The following MYH3 variants were observed in gnomAD, a reference collection of about 807,000 sequenced individuals.
MYH3 encodes myosin heavy chain 3.
Under a neutral mutation model 238.0 loss-of-function variants are expected in MYH3, and 130 were observed. That is an observed-to-expected ratio of 0.55 (90% CI 0.47 to 0.63). MYH3 has a LOEUF of 0.63. MYH3 is among the 30% of genes least tolerant of loss of function. MYH3 has a pLI of 0.00. For missense variants in MYH3, 1,853 were observed against 2,374.9 expected (o/e 0.78, Z 4.57); for synonymous variants, 880 against 924.1 (o/e 0.95, Z 0.86).
the MYH3 span, chr17:10,673,372 T>C: frequency 1.3e-5 from 2 of 152,266 alleles, no homozygotes; most frequent in Non-Finnish European, 2.9e-5. Context: ...AATCAGTGAA[T>C]GACTGTCTTG....
intron 6 of MYH3, among the ~76,000 whole-genome samples, chr17:10,650,137 A>G (rs1413801808): frequency 6.6e-6 from 1 of 151,814 alleles, no homozygotes; most frequent in Non-Finnish European, 1.5e-5. Flanking sequence ...ACACCCAGCT[A>G]ATTTTTTTGT....
chr17:10,678,345 A>G, the MYH3 span: 1 of 152,306 alleles, frequency 6.6e-6, no homozygotes, highest in Admixed American at 6.5e-5. Context: ...AACATCTGGA[A>G]GACGTCACCT....
At chr17:10,643,029 T>C in intron 14 of MYH3, 33 bp from the exon 15 acceptor site, 4 of 1,614,112 alleles carry the variant, frequency 2.5e-6, no homozygotes, top group Non-Finnish European at 3.4e-6. Context: ...ATGTGAAAAG[T>C]TAGACTTCTT....
At chr17:10,629,565 G>A (rs190434808) in intron 40 of MYH3, 32 bp downstream of exon 40, 146 of 1,591,580 alleles carry the variant, frequency 9.2e-5, no homozygotes, top group Non-Finnish European at 1.2e-4. Flanking sequence ...TACAGTCCCT[G>A]GGGGGGGGCT....
chr17:10,633,644 T>G lies in MYH3; in HGVS notation c.4594A>C (p.Lys1532Gln). 2.5e-6 allele frequency: 4 copies of G among 1,613,986 alleles called. No homozygotes were observed. The highest frequency in any genetic ancestry group is 3.4e-6 in the Non-Finnish European group (4 of 1,179,954). ...KTIHELEKSR[K>Q]QIELEKADIQ... ...TCAGCCTTTTCCAGCTCAATCTGCT[T>G]TCTTGATTTCTCCAGTTCATGGATG... The change falls in exon 33 of 41, where the codon AAG becomes CAG. Residue 1532 changes from lysine (K) to glutamine (Q), a missense_variant. Transcript: ENST00000583535.
Position 10,652,449 on chromosome 17 carries a change from T to C in MYH3, c.319A>G (p.Lys107Glu). Residue 107 changes from lysine to glutamate, a missense_variant, in exon 4 of 41, where the codon AAG becomes GAG. Coordinates refer to ENST00000583535, the MANE Select transcript of MYH3 (RefSeq NM_002470.4). ...LNEPAVLYNL[K>E]DRYTSWMIYT... ...ATCATCCAAGATGTGTAACGGTCCT[T>C]CAGGTTGTACAGCACGGCTGGCTCA... The C allele has an allele frequency of 6.2e-7, 1 of 1,614,008 alleles. No homozygotes were observed. Among genetic ancestry groups the C allele is most frequent in the Non-Finnish European group, 8.5e-7 (1 of 1,180,016 alleles).
At chr17:10,666,983 TAC>T in the MYH3 span, among the ~76,000 whole-genome samples, 1 of 152,182 alleles carries the variant, frequency 6.6e-6, no homozygotes, top group Non-Finnish European at 1.5e-5. Flanking sequence ...GAAAAATGCT[TAC>T]CTTTCCCTAT....
rs374549333 is a variant in MYH3, at chr17:10,645,908, C to G, written c.1002+21G>C. On this transcript the variant is annotated intron_variant, in intron 11 of 40. Transcript: ENST00000583535. ...CAGTGATGGAGGAGGAACACCCACC[C>G]CTTCTGTTGGTTCCACTTACGTCTG... 4 of 1,613,748 alleles carry G rather than the reference C, an allele frequency of 2.5e-6. No homozygotes were observed. In the East Asian group the frequency reaches 8.9e-5, roughly 36 times the overall value.
upstream of MYH3, among the ~76,000 whole-genome samples, chr17:10,658,001 C>T (rs574170703): frequency 9.9e-5 from 15 of 152,190 alleles, no homozygotes; most frequent in South Asian, 2.1e-4. Flanking sequence ...AAGTTAGTGA[C>T]GTGGATCTAT....
the MYH3 span, among the ~76,000 whole-genome samples, chr17:10,665,843 C>T: frequency 6.6e-6 from 1 of 152,098 alleles, no homozygotes; most frequent in Non-Finnish European, 1.5e-5. Flanking sequence ...GACATTCTGC[C>T]AGATACTAAA....
chr17:10,645,631 T>G (rs1393774696), intron 12 of MYH3, 76 bp downstream of exon 12: 1 of 1,576,332 alleles, frequency 6.3e-7, no homozygotes, highest in Non-Finnish European at 8.7e-7. Context: ...CTGGATTAAT[T>G]GCTTTCAAAA....
the MYH3 span, chr17:10,676,441 C>T: frequency 6.6e-6 from 1 of 152,038 alleles, no homozygotes; most frequent in African/African-American, 2.4e-5. Flanking sequence ...GAGGCACATG[C>T]TGGGAATGGG....
At chr17:10,644,002 A>G (rs1432594468) in intron 14 of MYH3, among the ~76,000 whole-genome samples, 1 of 152,066 alleles carries the variant, frequency 6.6e-6, no homozygotes, top group Non-Finnish European at 1.5e-5. Flanking sequence ...TCTACTAAAA[A>G]TACAAAAATT....
rs551438676 is a variant in MYH3 at position 10,634,038 on chromosome 17, G to C, written c.4501C>G (p.Arg1501Gly). Residue 1501 changes from arginine to glycine, a missense_variant, in exon 32 of 41, where the codon CGG (arginine) becomes GGG (glycine). This residue lies in a region of MYH3 where 1,044 missense variants were observed against 1,192.6 expected (regional missense o/e 0.88). Coordinates refer to ENST00000583535, the MANE Select transcript of MYH3 (RefSeq NM_002470.4). The stretch of plus-strand genomic sequence containing the variant: ...TTACGCTCTAAGTTCTTATTTTCCC[G>C]TTTCACAGTTTCAAGTTGATCTAAG... The part of the protein sequence containing the change: ...EALDQLETVK[R>G]ENKNLEQEIA... 8.7e-6 allele frequency: 14 copies of C among 1,614,006 alleles called. No individual in the cohort carries two copies. The highest frequency in any genetic ancestry group is 1.1e-5 in the Non-Finnish European group (13 of 1,180,044).
intron 33 of MYH3, 87 bp from the exon 34 acceptor site, chr17:10,632,871 A>G: frequency 7.6e-7 from 1 of 1,321,562 alleles, no homozygotes; most frequent in Non-Finnish European, 1.1e-6. Flanking sequence ...ACTTCAATGG[A>G]ATAGTCCTAA....
the MYH3 span, chr17:10,677,719 C>T: frequency 1.3e-5 from 2 of 152,146 alleles, no homozygotes; most frequent in African/African-American, 4.8e-5. Context: ...TTATACTTTT[C>T]AAATAAACAA....
chr17:10,675,477 G>C, the MYH3 span: 1 of 152,126 alleles, frequency 6.6e-6, no homozygotes, highest in East Asian at 1.9e-4. Flanking sequence ...TGGAGTTATA[G>C]GGTGCAAACA....
At chr17:10,638,610 G>T (rs1157128836) in intron 26 of MYH3, among the ~76,000 whole-genome samples, 178 bp from the exon 27 acceptor site, 1 of 152,144 alleles carries the variant, frequency 6.6e-6, no homozygotes, top group African/African-American at 2.4e-5. Flanking sequence ...AATTACTCCT[G>T]CAGTGACCAA....
intron 32 of MYH3, 88 bp downstream of exon 32, chr17:10,633,929 C>CTA: frequency 6.5e-7 from 1 of 1,547,504 alleles, no homozygotes; most frequent in East Asian, 2.2e-5. Flanking sequence ...GTGCAGGAAA[C>CTA]TGAGTGATGA....
Sources: allele counts gnomAD v4.1 joint callset (sites outside exome capture counted in the v4.1 genomes callset), GRCh38; gene constraint gnomAD v4.1.1; regional missense constraint gnomAD v4.1.1; transcripts MANE v1.5; gene names NCBI Gene and HGNC (gene_info 2026-07-23, HGNC 2026-07-21).